Variants in NRG4 observed in about 807,000 individuals in gnomAD.
NRG4 encodes the protein neuregulin 4, also known as pro-neuregulin-4, membrane-bound isoform.
In NRG4, 10 loss-of-function variants were observed where a neutral mutation model predicts 15.0. That is an observed-to-expected ratio of 0.67 (90% CI 0.41 to 1.13). The LOEUF (loss-of-function observed/expected upper bound fraction) is 1.13, where lower values mean the gene tolerates loss of function less well. Among genes scored for constraint, NRG4 ranks in the 50% most tolerant of loss-of-function variants. The pLI, the probability that NRG4 is intolerant of heterozygous loss-of-function variation, is 0.00. For synonymous variants in NRG4, 41 were observed against 50.1 expected (o/e 0.82, Z 0.77); for missense variants, 139 against 140.2 (o/e 0.99, Z 0.04).
chr15:76,008,700 A>T (rs1461413248), intron 3 of NRG4, among the ~76,000 whole-genome samples: 1 of 152,160 alleles, frequency 6.6e-6, no homozygotes, highest in African/African-American at 2.4e-5. Flanking sequence ...AGTGGCTAAG[A>T]TACCCTTCTT....
At chr15:76,005,711 AGAATT>A in intron 3 of NRG4, 1 of 332,384 alleles carries the variant, frequency 3.0e-6, no homozygotes, top group South Asian at 2.8e-5. Context: ...GAAAGAAAAG[AGAATT>A]GTAAGGAAGA....
At chr15:76,002,671 T>C (rs1196911853) in intron 3 of NRG4, among the ~76,000 whole-genome samples, 1 of 151,906 alleles carries the variant, frequency 6.6e-6, no homozygotes, top group East Asian at 1.9e-4. Context: ...CACCAACAAA[T>C]AGAAAGCAAT....
chr15:75,979,437 G>T (rs955142301), intron 3 of NRG4, among the ~76,000 whole-genome samples: 1 of 151,962 alleles, frequency 6.6e-6, no homozygotes, highest in Non-Finnish European at 1.5e-5. Context: ...TGAACACATG[G>T]GTTTTGAAGA....
intron 2 of NRG4, among the ~76,000 whole-genome samples, chr15:76,054,039 G>A (rs1336132391): frequency 2.0e-5 from 3 of 150,696 alleles, no homozygotes; most frequent in East Asian, 1.9e-4. Context: ...TACCATTCAC[G>A]TGGTGATCAT....
chr15:75,968,261 C>T (rs912807133), intron 3 of NRG4, among the ~76,000 whole-genome samples: 4 of 152,200 alleles, frequency 2.6e-5, no homozygotes, highest in East Asian at 1.9e-4. Context: ...CCTCAAAAAA[C>T]GATCAGGGAG....
At chr15:76,059,939 C>T (rs966149489), upstream of NRG4, 1 of 142,434 alleles carries the variant, frequency 7.0e-6, no homozygotes, top group African/African-American at 2.5e-5. Context: ...GGCGGGGGGG[C>T]GGAGAGGGGA....
intron 5 of NRG4, among the ~76,000 whole-genome samples, chr15:75,944,860 T>G (rs1340442863): frequency 6.6e-6 from 1 of 152,194 alleles, no homozygotes; most frequent in Non-Finnish European, 1.5e-5. Flanking sequence ...ACTAATTTTG[T>G]CAGCTGAGCC....
rs2141815501 is a variant in NRG4 at position 75,961,938 on chromosome 15, C to T, written c.141G>A (p.Glu47=). 3 of 1,613,558 alleles carry T rather than the reference C, an allele frequency of 1.9e-6. No individual in the cohort carries two copies. The highest frequency in any genetic ancestry group is 2.5e-6 in the Non-Finnish European group (3 of 1,179,544). ...GGATGCTGGAGCCTGGGAGAAAAACCTCTTCACAACGAGCTCCTGTATAGT... is the reference window on the plus strand; with the variant it reads ...GGATGCTGGAGCCTGGGAGAAAAACTTCTTCACAACGAGCTCCTGTATAGT... ...VENYTGARCE[E]VFLPGSSIQT... Residue 47 remains glutamate, a synonymous_variant, in exon 4 of 6, where the codon GAG becomes GAA. Coordinates refer to ENST00000394907, the MANE Select transcript of NRG4 (RefSeq NM_138573.4).
At chr15:76,022,104 C>G (rs952793296) in intron 5 of NRG4, among the ~76,000 whole-genome samples, 3 of 152,298 alleles carry the variant, frequency 2.0e-5, no homozygotes, top group Admixed American at 6.5e-5. Flanking sequence ...TGCTGCTCAC[C>G]TGCTGTGTGG....
At chr15:75,971,798 G>A (rs961037600) in intron 3 of NRG4, among the ~76,000 whole-genome samples, 1 of 151,892 alleles carries the variant, frequency 6.6e-6, no homozygotes, top group Non-Finnish European at 1.5e-5. Context: ...CATAATAAGA[G>A]TAAAATTGTG....
At chr15:76,048,152 C>CAA (rs113391379) in intron 4 of NRG4, among the ~76,000 whole-genome samples, 2 of 68,798 alleles carry the variant, frequency 2.9e-5, no homozygotes, top group African/African-American at 1.0e-4. Flanking sequence ...AACCCTGTTT[C>CAA]AAAAAAAAAA....
At chr15:76,023,926 T>A (rs1335286054) in intron 5 of NRG4, among the ~76,000 whole-genome samples, 1 of 152,210 alleles carries the variant, frequency 6.6e-6, no homozygotes, top group East Asian at 1.9e-4. Context: ...ATGAAAGGAC[T>A]CGGGGCTACC....
At chr15:75,939,968 C>T (rs1036451351), downstream of NRG4, 2 of 152,104 alleles carry the variant, frequency 1.3e-5, no homozygotes, top group Non-Finnish European at 2.9e-5. Flanking sequence ...AGACAATGCT[C>T]ATTTCACCAT....
chr15:75,988,916 G>GGT (rs1360998466), intron 3 of NRG4, among the ~76,000 whole-genome samples: 6 of 147,030 alleles, frequency 4.1e-5, no homozygotes, highest in African/African-American at 1.5e-4. Context: ...GAGTGGCAGT[G>GGT]GTGTCATCAT....
intron 3 of NRG4, among the ~76,000 whole-genome samples, chr15:75,991,109 T>A (rs2033999142): frequency 6.6e-6 from 1 of 152,162 alleles, no homozygotes; most frequent in Non-Finnish European, 1.5e-5. Context: ...AATTTTATCA[T>A]GGTAAGAGAA....
chr15:75,939,327 C>G (rs1260350748), downstream of NRG4: 1 of 152,000 alleles, frequency 6.6e-6, no homozygotes, highest in African/African-American at 2.4e-5. Flanking sequence ...ATGAAATGCT[C>G]AAAGTCCTAG....
chr15:76,029,941 G>C (rs1329153588), intron 5 of NRG4, among the ~76,000 whole-genome samples: 1 of 152,098 alleles, frequency 6.6e-6, no homozygotes, highest in Non-Finnish European at 1.5e-5. Flanking sequence ...ACTCAAAACA[G>C]ATAAAGCAAT....
chr15:76,016,732 TGAG>T (rs2034990404), upstream of NRG4, among the ~76,000 whole-genome samples: 1 of 152,214 alleles, frequency 6.6e-6, no homozygotes, highest in Non-Finnish European at 1.5e-5. Flanking sequence ...TTGCATTTGC[TGAG>T]GAGTATTTTA....
intron 3 of NRG4, among the ~76,000 whole-genome samples, chr15:75,993,291 T>G (rs748354227): frequency 2.3e-5 from 3 of 128,972 alleles, no homozygotes; most frequent in African/African-American, 6.6e-5. Flanking sequence ...TTAAATATTG[T>G]TTTTTTTTTT....
Sources: gnomAD v4.1 joint callset for allele counts (sites outside exome capture counted in the v4.1 genomes callset) on GRCh38, gnomAD v4.1.1 for gene constraint, MANE v1.5 for transcripts, NCBI Gene and HGNC (gene_info 2026-07-23, HGNC 2026-07-21) for gene names.